MCHR2: variants seen among roughly 807,000 people sequenced by gnomAD.
MCHR2 encodes the protein melanin concentrating hormone receptor 2.
MCHR2 carries 15 observed loss-of-function variants against 24.8 expected under a neutral mutation model. The observed-to-expected ratio is 0.60, with a 90% CI of 0.40 to 0.93. The LOEUF is 0.93. Among genes scored for constraint, MCHR2 ranks in the 40% least tolerant of loss-of-function variants. The pLI is 0.00. For synonymous variants in MCHR2, 151 were observed against 147.6 expected, an observed-to-expected ratio of 1.02 and a Z score of -0.17; for missense variants, 386 against 408.7, an observed-to-expected ratio of 0.94 and a Z score of 0.48.
chr6:99,928,010 T>C (rs1196407814), intron 5 of MCHR2, among the ~76,000 whole-genome samples: 2 of 152,176 alleles, frequency 1.3e-5, no homozygotes, highest in East Asian at 1.9e-4. Flanking sequence ...AGATACATCC[T>C]ATCAATACCT....
intron 3 of MCHR2, among the ~76,000 whole-genome samples, chr6:99,945,843 TAAAAC>T (rs1166098323): frequency 6.6e-6 from 1 of 151,992 alleles, no homozygotes. Context: ...TCCATTGGAT[TAAAAC>T]AAAACAAAAC....
intron 1 of MCHR2, among the ~76,000 whole-genome samples, chr6:99,959,062 T>C (rs934607559): frequency 1.3e-5 from 2 of 152,068 alleles, no homozygotes; most frequent in African/African-American, 4.8e-5. Flanking sequence ...GGAGCATATA[T>C]GCAGTGTTCT....
intron 5 of MCHR2, among the ~76,000 whole-genome samples, chr6:99,933,159 A>G (rs188600288): frequency 1.2e-4 from 18 of 152,282 alleles, no homozygotes; most frequent in Admixed American, 1.2e-3. Flanking sequence ...AAAAGTTGGG[A>G]ATAATTTTAA....
At chr6:99,954,338 T>C (rs879513633) in intron 2 of MCHR2, among the ~76,000 whole-genome samples, 4 of 152,180 alleles carry the variant, frequency 2.6e-5, no homozygotes, top group Non-Finnish European at 5.9e-5. Flanking sequence ...TATGTGTTAA[T>C]ATGATGCTGA....
chr6:99,940,021 T>A (rs1465500241), intron 4 of MCHR2, among the ~76,000 whole-genome samples: 1 of 151,980 alleles, frequency 6.6e-6, no homozygotes. Context: ...GAGTTCTATC[T>A]TTGTCTTTGA....
intron 5 of MCHR2, among the ~76,000 whole-genome samples, chr6:99,932,729 T>C (rs1170481073): frequency 6.6e-6 from 1 of 152,102 alleles, no homozygotes; most frequent in Non-Finnish European, 1.5e-5. Flanking sequence ...ATGAAGGTCA[T>C]GAAAAATAAG....
Position 99,920,391 on chromosome 6 carries a change from T to C in MCHR2, c.*549A>G, listed in dbSNP as rs1490247964. Reference sequence around the variant, plus strand: ...TAATAATACTTATTTCACAGGTTTGTTACATGTAATCTTACACATTGCATG... The same window carrying C: ...TAATAATACTTATTTCACAGGTTTGCTACATGTAATCTTACACATTGCATG... On this transcript the variant is annotated 3_prime_UTR_variant, in exon 6 of 6. Transcript: ENST00000281806. 6.5e-6 allele frequency: 1 copy of C among 153,266 alleles called. No homozygotes were observed. The highest frequency in any genetic ancestry group is 1.9e-4 in the East Asian group (1 of 5,220). The allele number at this position is 153,266 out of a possible 1,614,324, so 9.5% of individuals were successfully genotyped here. A position where few individuals can be genotyped will look rare whatever the true frequency, so the allele number is the denominator to read the frequency against.
intron 1 of MCHR2, among the ~76,000 whole-genome samples, chr6:99,964,773 AATAG>A (rs1342421006): frequency 6.6e-6 from 1 of 152,118 alleles, no homozygotes; most frequent in African/African-American, 2.4e-5. Context: ...GGAATGGATA[AATAG>A]ATTGTGATAT....
chr6:99,940,779 T>A (rs1322492970), intron 4 of MCHR2, among the ~76,000 whole-genome samples: 2 of 152,186 alleles, frequency 1.3e-5, no homozygotes, highest in Non-Finnish European at 2.9e-5. Context: ...AAGCCCAGGC[T>A]TGCTTTGGCT....
intron 4 of MCHR2, among the ~76,000 whole-genome samples, chr6:99,937,745 C>T (rs773353985): frequency 1.7e-4 from 19 of 112,054 alleles, no homozygotes; most frequent in Non-Finnish European, 3.1e-4. Context: ...GTATTCCTTC[C>T]TCTTCATTTT....
chr6:99,971,158 G>A (rs1775409378), intron 1 of MCHR2, among the ~76,000 whole-genome samples: 1 of 152,128 alleles, frequency 6.6e-6, no homozygotes, highest in South Asian at 2.1e-4. Context: ...TGGGCAGTAT[G>A]GCCATTTTCA....
intron 1 of MCHR2, among the ~76,000 whole-genome samples, chr6:99,960,955 G>T (rs977897311): frequency 6.6e-6 from 1 of 152,124 alleles, no homozygotes; most frequent in Non-Finnish European, 1.5e-5. Context: ...AAAAGCAATG[G>T]CAACAAAAGC....
At chr6:99,938,291 GTTTAT>G (rs979326111) in intron 4 of MCHR2, among the ~76,000 whole-genome samples, 1 of 151,784 alleles carries the variant, frequency 6.6e-6, no homozygotes, top group African/African-American at 2.4e-5. Flanking sequence ...TTCGTGGGTT[GTTTAT>G]TTTAAGTCTT....
intron 1 of MCHR2, among the ~76,000 whole-genome samples, chr6:99,964,759 C>A (rs761476477): frequency 4.6e-5 from 7 of 151,838 alleles, no homozygotes; most frequent in Non-Finnish European, 7.4e-5. Flanking sequence ...TGTCCATTTA[C>A]AATGGAATGG....
intron 1 of MCHR2, among the ~76,000 whole-genome samples, chr6:99,956,944 ATGTGTGTG>A (rs3038362): frequency 1.3e-5 from 2 of 150,338 alleles, no homozygotes; most frequent in Admixed American, 6.7e-5. Flanking sequence ...GCTGGACAAA[ATGTGTGTG>A]TGTGTGTGTG....
In MCHR2 at chr6:99,947,803, T is replaced by C; in HGVS notation, c.351A>G (p.Gln117=). 1 of 1,613,816 alleles carries C rather than the reference T, an allele frequency of 6.2e-7. No individual in the cohort carries two copies. The highest frequency in any genetic ancestry group is 8.5e-7 in the Non-Finnish European group (1 of 1,179,772). Residue 117 remains glutamine, a synonymous_variant, in exon 3 of 6, where the codon CAA becomes CAG. Coordinates refer to ENST00000281806, the MANE Select transcript of MCHR2 (RefSeq NM_001040179.2). ...TIITSLDTCN[Q]FACSAIMTVM... is the part of the protein sequence containing the mutation. ...CAGTCATGATGGCACTACAGGCAAA[T>C]TGGTTACAAGTATCCAGGGATGTGA... is the stretch of plus-strand genomic sequence containing the variant.
chr6:99,933,237 A>T (rs116815498), intron 5 of MCHR2, among the ~76,000 whole-genome samples: 73 of 152,024 alleles, frequency 4.8e-4, no homozygotes, highest in African/African-American at 1.7e-3. Context: ...CATTCCTCTA[A>T]TTTTTTGCAT....
intron 1 of MCHR2, among the ~76,000 whole-genome samples, chr6:99,986,600 A>T (rs1002648893): frequency 1.3e-5 from 2 of 152,198 alleles, no homozygotes; most frequent in African/African-American, 4.8e-5. Flanking sequence ...ATTCTCACTT[A>T]TAAGTGGGAG....
At position 99,956,950 on chromosome 6, in the gene MCHR2, G is replaced by A. The variant is rs543037753; in HGVS notation, c.-27-776C>T. Among the ~76,000 whole-genome samples the A allele has an allele frequency of 4.4e-3, 672 of 152,122 alleles. 3 individuals are homozygous for A. Among genetic ancestry groups the A allele is most frequent in the African/African-American group, 0.015 (632 of 41,500 alleles). On this transcript the variant is annotated intron_variant, in intron 1 of 5. Coordinates refer to ENST00000281806, the MANE Select transcript of MCHR2 (RefSeq NM_001040179.2). Reference sequence around the variant, plus strand: ...ATAAAATATGCTGGACAAAATGTGTGTGTGTGTGTGTGTGTATTTATATTT... The same window carrying A: ...ATAAAATATGCTGGACAAAATGTGTATGTGTGTGTGTGTGTATTTATATTT...
Sources: gnomAD v4.1 joint callset for allele counts (sites outside exome capture counted in the v4.1 genomes callset) on GRCh38, gnomAD v4.1.1 for gene constraint, MANE v1.5 for transcripts, NCBI Gene and HGNC (gene_info 2026-07-23, HGNC 2026-07-21) for gene names.